XXYLT1: variants seen among roughly 807,000 people sequenced by gnomAD.
The protein encoded by XXYLT1 is UDP-xylose:alpha-xyloside alpha-1,3-xylosyltransferase.
A neutral mutation model predicts 28.9 loss-of-function variants in XXYLT1; 20 were observed. That is an observed-to-expected ratio of 0.69 (90% CI 0.49 to 1.00). The LOEUF is 1.00. Ranked by LOEUF, XXYLT1 falls within the 50% of genes least tolerant of loss-of-function variation. The pLI, the probability that XXYLT1 is intolerant of heterozygous loss-of-function variation, is 0.00. For synonymous variants in XXYLT1, 257 were observed against 253.8 expected (o/e 1.01, Z -0.12); for missense variants, 542 against 560.1 (o/e 0.97, Z 0.33).
At position 195,150,193 on chromosome 3, in the gene XXYLT1, T is replaced by C. The variant is rs955825; in HGVS notation, c.785+6256A>G. 0.25 allele frequency among the ~76,000 whole-genome samples: 38,315 copies of C among 152,040 alleles called. 5,648 individuals are homozygous for C. Among genetic ancestry groups the C allele is most frequent in the East Asian group, 0.57 (2,930 of 5,170 alleles). On this transcript the variant is annotated intron_variant, in intron 3 of 3. Coordinates refer to ENST00000310380, the MANE Select transcript of XXYLT1 (RefSeq NM_152531.5). This position sits in a 1 kb window ranked among gnomAD's most constrained non-coding sequence, Gnocchi z 4.7. The stretch of plus-strand genomic sequence containing the variant: ...CTCGTGCTAGGCACCATAAATACAT[T>C]ATCTGATTCAATCTCCCTCAACTCT...
chr3:195,074,988 G>A lies in XXYLT1; in HGVS notation c.786-4877C>T, dbSNP rs368006460. Among the ~76,000 whole-genome samples the A allele has an allele frequency of 1.3e-3, 191 of 152,198 alleles. 2 individuals are homozygous for A. The highest frequency in any genetic ancestry group is 4.3e-3 in the African/African-American group (179 of 41,542). The stretch of plus-strand genomic sequence containing the variant: ...GTTCCCAGGCCGGGAGCGGTGGCTC[G>A]CACCTGTAATCCCAGCACTTTGGGA... On this transcript the variant is annotated intron_variant, in intron 3 of 3. Transcript: ENST00000310380.
In XXYLT1 at chr3:195,153,345, G is replaced by C. The variant is rs143981528; in HGVS notation, c.785+3104C>G. 2.4e-4 allele frequency among the ~76,000 whole-genome samples: 36 copies of C among 152,286 alleles called. No homozygotes were observed. In the South Asian group the frequency reaches 7.5e-3, roughly 32 times the overall value. On this transcript the variant is annotated intron_variant, in intron 3 of 3. Coordinates refer to ENST00000310380, the MANE Select transcript of XXYLT1 (RefSeq NM_152531.5). ...CCAGCCCCAGCATGAGACTGCAAAC[G>C]TTACAAGGCAATTCCCCAGAGCCAG...
chr3:195,088,955 G>T (rs1275271345), intron 3 of XXYLT1, among the ~76,000 whole-genome samples: 4 of 152,062 alleles, frequency 2.6e-5, no homozygotes, highest in Non-Finnish European at 5.9e-5. Flanking sequence ...ATGAAATGAA[G>T]CAAGAAGGGA....
intron 3 of XXYLT1, among the ~76,000 whole-genome samples, chr3:195,086,730 G>A (rs189467930): frequency 6.6e-6 from 1 of 152,268 alleles, no homozygotes; most frequent in East Asian, 1.9e-4. Flanking sequence ...TTGGTGATGG[G>A]GGGGAGGGTG....
chr3:195,074,074 G>A (rs1048817615), intron 3 of XXYLT1, among the ~76,000 whole-genome samples: 2 of 151,878 alleles, frequency 1.3e-5, no homozygotes, highest in Non-Finnish European at 2.9e-5. Flanking sequence ...TTTTGCCTCC[G>A]ACTCTTCGTG....
At chr3:195,238,279 C>A (rs555446318) in intron 1 of XXYLT1, among the ~76,000 whole-genome samples, 1 of 152,292 alleles carries the variant, frequency 6.6e-6, no homozygotes, top group East Asian at 1.9e-4. Flanking sequence ...CCTCTCCCAG[C>A]CCCCATCTGC....
At chr3:195,143,784 T>TTATATATATATATATATATATATA (rs3073320) in intron 3 of XXYLT1, among the ~76,000 whole-genome samples, 1 of 113,954 alleles carries the variant, frequency 8.8e-6, no homozygotes, top group Non-Finnish European at 1.7e-5. Flanking sequence ...TGTTCTCTCA[T>TTATATATATATATATATATATATA]TATATATATA....
intron 2 of XXYLT1, among the ~76,000 whole-genome samples, chr3:195,199,827 C>A (rs541102419): frequency 6.6e-6 from 1 of 152,222 alleles, no homozygotes; most frequent in African/African-American, 2.4e-5. Context: ...CATGTGTCCA[C>A]TGAAAATGAG....
At chr3:195,178,193 C>T (rs1466186681) in intron 2 of XXYLT1, among the ~76,000 whole-genome samples, 1 of 151,998 alleles carries the variant, frequency 6.6e-6, no homozygotes, top group East Asian at 1.9e-4. Context: ...TTCTGCCCCA[C>T]ATCTGGGCAA....
At chr3:195,085,151 T>C (rs1029133927) in intron 3 of XXYLT1, among the ~76,000 whole-genome samples, 1 of 152,172 alleles carries the variant, frequency 6.6e-6, no homozygotes, top group African/African-American at 2.4e-5. Context: ...AAAGAAATGA[T>C]TGCCATATGA....
At chr3:195,162,888 T>TGGAATTTGAGATC in intron 2 of XXYLT1, among the ~76,000 whole-genome samples, 1 of 152,204 alleles carries the variant, frequency 6.6e-6, no homozygotes, top group Non-Finnish European at 1.5e-5. Context: ...ACAGGGGAAA[T>TGGAATTTGAGATC]GGAATTTGAG....
At chr3:195,194,893 C>T (rs1001423207) in intron 2 of XXYLT1, among the ~76,000 whole-genome samples, 1 of 152,032 alleles carries the variant, frequency 6.6e-6, no homozygotes, top group Non-Finnish European at 1.5e-5. Flanking sequence ...TCAGTGATTG[C>T]CCATGGCTAG....
At chr3:195,114,391 C>A (rs1228386084) in intron 3 of XXYLT1, among the ~76,000 whole-genome samples, 1 of 152,202 alleles carries the variant, frequency 6.6e-6, no homozygotes, top group Admixed American at 6.5e-5. Context: ...CACCTTCCAC[C>A]TGCGTTGAGC....
chr3:195,153,059 T>C (rs949360977), intron 3 of XXYLT1, among the ~76,000 whole-genome samples: 5 of 152,178 alleles, frequency 3.3e-5, no homozygotes, highest in African/African-American at 1.2e-4. Context: ...GCCGCAGCAA[T>C]GGCCAAGCCC....
chr3:195,186,822 T>G lies in XXYLT1; in HGVS notation c.653-30241A>C, dbSNP rs138247439. Among the ~76,000 whole-genome samples, 735 of 151,956 alleles carry G rather than the reference T, an allele frequency of 4.8e-3. 4 individuals carry two copies. The highest frequency in any genetic ancestry group is 7.6e-3 in the Non-Finnish European group (517 of 67,984). On this transcript the variant is annotated intron_variant, in intron 2 of 3. Transcript: ENST00000310380. ...GCTCACAGGTGAAACTGAATAAATC[T>G]TTGCTGAGTGAGTGAAGTGCTGGTG...
chr3:195,247,527 G>A (rs1025324951), intron 1 of XXYLT1, among the ~76,000 whole-genome samples: 3 of 152,188 alleles, frequency 2.0e-5, no homozygotes, highest in Non-Finnish European at 2.9e-5. Context: ...TCTAGGGGCC[G>A]GCCTCTCTTG....
chr3:195,093,793 C>G (rs868515948), intron 3 of XXYLT1: 4 of 152,334 alleles, frequency 2.6e-5, no homozygotes, highest in Middle Eastern at 3.4e-3. Flanking sequence ...TCTGCTGCCA[C>G]TCCTGGAGCC....
At chr3:195,112,983 C>T (rs903303) in intron 3 of XXYLT1, among the ~76,000 whole-genome samples, 1 of 152,178 alleles carries the variant, frequency 6.6e-6, no homozygotes, top group African/African-American at 2.4e-5. Flanking sequence ...TGGGTTTCAA[C>T]TGCAGCCATG....
At chr3:195,238,735 G>A (rs555108519) in intron 1 of XXYLT1, among the ~76,000 whole-genome samples, 2 of 152,154 alleles carry the variant, frequency 1.3e-5, no homozygotes, top group African/African-American at 2.4e-5. Context: ...CCCAGTCCCC[G>A]AAATGCCTTC....
Sources: allele counts gnomAD v4.1 joint callset (sites outside exome capture counted in the v4.1 genomes callset), GRCh38; gene constraint gnomAD v4.1.1; non-coding constraint Gnocchi (gnomAD v3.1); transcripts MANE v1.5; gene names NCBI Gene and HGNC (gene_info 2026-07-23, HGNC 2026-07-21).